CCDC85A: variants seen among roughly 807,000 people sequenced by gnomAD.
The protein encoded by CCDC85A is coiled-coil domain containing 85A.
CCDC85A carries 38 observed loss-of-function variants against 50.2 expected under a neutral mutation model. The ratio of observed to expected loss-of-function variants is 0.76; its 90% CI spans 0.58 to 0.99. The LOEUF (loss-of-function observed/expected upper bound fraction) is 0.99. CCDC85A is among the 50% of genes least tolerant of loss of function. CCDC85A has a pLI of 0.00. For missense variants in CCDC85A, 820 were observed against 742.0 expected, an observed-to-expected ratio of 1.11 and a Z score of -1.22; for synonymous variants, 366 against 301.4, an observed-to-expected ratio of 1.21 and a Z score of -2.22.
intron 3 of CCDC85A, among the ~76,000 whole-genome samples, chr2:56,365,614 T>C (rs1404125352): frequency 2.0e-5 from 3 of 152,206 alleles, no homozygotes; most frequent in Non-Finnish European, 4.4e-5. Context: ...GGCCCACAGT[T>C]AGTATCTTTA....
At position 56,375,810 on chromosome 2, in the gene CCDC85A, A is replaced by T; in HGVS notation, c.1453-6A>T. The T allele has an allele frequency of 6.2e-7, 1 of 1,613,104 alleles. No individual in the cohort carries two copies. Among genetic ancestry groups the T allele is most frequent in the South Asian group, 1.1e-5 (1 of 90,878 alleles). On this transcript the variant is annotated splice_polypyrimidine_tract_variant and splice_region_variant and intron_variant, in intron 4 of 5. Coordinates refer to ENST00000407595, the MANE Select transcript of CCDC85A (RefSeq NM_001080433.2). ...TTAATAACAAAGTTGTTGATTTTCT[A>T]CTAAGGGTTCTTTTAGGTTGTCATC...
intron 2 of CCDC85A, among the ~76,000 whole-genome samples, chr2:56,202,476 A>G (rs760755901): frequency 1.8e-4 from 28 of 152,254 alleles, no homozygotes; most frequent in Non-Finnish European, 3.8e-4. Flanking sequence ...TTACATAGCC[A>G]CTTGCATTCA....
chr2:56,352,162 T>G (rs1039692926), intron 3 of CCDC85A, among the ~76,000 whole-genome samples: 2 of 152,178 alleles, frequency 1.3e-5, no homozygotes, highest in Non-Finnish European at 2.9e-5. Flanking sequence ...ATATAACGCA[T>G]TAGTAATTTA....
At chr2:56,311,209 G>A (rs1672676985) in intron 2 of CCDC85A, among the ~76,000 whole-genome samples, 4 of 152,088 alleles carry the variant, frequency 2.6e-5, no homozygotes, top group Admixed American at 2.6e-4. Flanking sequence ...ACACTTTCAT[G>A]TCTCAAATTC....
intron 2 of CCDC85A, among the ~76,000 whole-genome samples, chr2:56,221,198 C>A (rs1668311702): frequency 6.6e-6 from 1 of 152,018 alleles, no homozygotes; most frequent in African/African-American, 2.4e-5. Context: ...AGAATAGAAT[C>A]AGCCTGTGTA....
At chr2:56,236,975 C>G (rs1669046960) in intron 2 of CCDC85A, among the ~76,000 whole-genome samples, 1 of 152,134 alleles carries the variant, frequency 6.6e-6, no homozygotes, top group Non-Finnish European at 1.5e-5. Flanking sequence ...TCTCGTCCAG[C>G]TTTTCTATGA....
At chr2:56,288,698 C>A (rs3032188) in intron 2 of CCDC85A, among the ~76,000 whole-genome samples, 2 of 151,916 alleles carry the variant, frequency 1.3e-5, no homozygotes, top group African/African-American at 2.4e-5. Flanking sequence ...ATGCCCCCCC[C>A]ACCCCAAAAA....
chr2:56,235,601 T>C (rs958369682), intron 2 of CCDC85A, among the ~76,000 whole-genome samples: 8 of 152,134 alleles, frequency 5.3e-5, no homozygotes, highest in Non-Finnish European at 7.3e-5. Flanking sequence ...AGCAGATGTG[T>C]ATTGTGCACC....
intron 2 of CCDC85A, among the ~76,000 whole-genome samples, chr2:56,267,919 G>C (rs561826704): frequency 6.6e-6 from 1 of 152,272 alleles, no homozygotes; most frequent in African/African-American, 2.4e-5. Context: ...AGTTTGGTAG[G>C]CTCAGAAAAG....
chr2:56,185,296 G>A (rs377466625), intron 1 of CCDC85A, among the ~76,000 whole-genome samples: 1 of 152,194 alleles, frequency 6.6e-6, no homozygotes, highest in Non-Finnish European at 1.5e-5. Flanking sequence ...TTGGAGGGTC[G>A]GGAATGCGGC....
intron 2 of CCDC85A, among the ~76,000 whole-genome samples, chr2:56,341,138 A>G (rs6761258): frequency 0.38 from 57,890 of 151,966 alleles, 13,484 homozygotes; most frequent in African/African-American, 0.66. Context: ...CTGAAGATGT[A>G]TGCACGCTCA....
intron 2 of CCDC85A, among the ~76,000 whole-genome samples, chr2:56,205,045 G>T (rs1676905808): frequency 6.6e-6 from 1 of 152,154 alleles, no homozygotes; most frequent in African/African-American, 2.4e-5. Flanking sequence ...CATGTGTATA[G>T]CATGTGCATT....
chr2:56,355,464 A>T (rs1214373704), intron 3 of CCDC85A, among the ~76,000 whole-genome samples: 1 of 152,192 alleles, frequency 6.6e-6, no homozygotes, highest in Non-Finnish European at 1.5e-5. Flanking sequence ...ATCTCACAAA[A>T]ATTTACTCAC....
chr2:56,190,350 G>A (rs1210333997), intron 1 of CCDC85A, among the ~76,000 whole-genome samples: 1 of 152,156 alleles, frequency 6.6e-6, no homozygotes, highest in Non-Finnish European at 1.5e-5. Flanking sequence ...GAATAGGTGG[G>A]AACTCTACTA....
chr2:56,311,613 C>T (rs1457509026), intron 2 of CCDC85A, among the ~76,000 whole-genome samples: 1 of 152,122 alleles, frequency 6.6e-6, no homozygotes, highest in Non-Finnish European at 1.5e-5. Context: ...TGCTATATGA[C>T]TTTGCAGTGG....
chr2:56,286,602 G>T (rs1475563091), intron 2 of CCDC85A, among the ~76,000 whole-genome samples: 1 of 151,856 alleles, frequency 6.6e-6, no homozygotes. Context: ...TTCTCCATAT[G>T]TTCATTTATA....
intron 2 of CCDC85A, among the ~76,000 whole-genome samples, chr2:56,320,623 G>A (rs926543868): frequency 2.6e-5 from 4 of 151,986 alleles, no homozygotes; most frequent in Non-Finnish European, 5.9e-5. Flanking sequence ...ACCAATAACA[G>A]GCTCTGAAAT....
Position 56,242,818 on chromosome 2 carries a change from A to G in CCDC85A, c.1240+49378A>G, listed in dbSNP as rs556292964. 9.5e-4 allele frequency among the ~76,000 whole-genome samples: 145 copies of G among 152,096 alleles called. 2 individuals are homozygous for G. The highest frequency in any genetic ancestry group is 3.4e-3 in the African/African-American group (142 of 41,510). On this transcript the variant is annotated intron_variant, in intron 2 of 5. Transcript: ENST00000407595. ...CTTTGGGTACCTCTGCTTGTGGGGTATTTGTCAAGAAATTTTTGCCAGTCC... is the reference window on the plus strand; with the variant it reads ...CTTTGGGTACCTCTGCTTGTGGGGTGTTTGTCAAGAAATTTTTGCCAGTCC...
intron 2 of CCDC85A, among the ~76,000 whole-genome samples, chr2:56,202,799 C>G (rs925400550): frequency 1.3e-5 from 2 of 152,154 alleles, no homozygotes; most frequent in African/African-American, 2.4e-5. Context: ...TCAAATTAAC[C>G]AAGCTCATTA....
Sources: gnomAD v4.1 joint callset for allele counts (sites outside exome capture counted in the v4.1 genomes callset) on GRCh38, gnomAD v4.1.1 for gene constraint, MANE v1.5 for transcripts, NCBI Gene and HGNC (gene_info 2026-07-23, HGNC 2026-07-21) for gene names.